Variants in SCEL observed in about 807,000 individuals in gnomAD.
The protein encoded by SCEL is sciellin.
A neutral mutation model predicts 117.6 loss-of-function variants in SCEL; 113 were observed. The observed-to-expected ratio is 0.96, with a 90% CI of 0.83 to 1.12. SCEL has a LOEUF of 1.12. SCEL is among the 50% of genes most tolerant of loss of function. The pLI, the probability that SCEL is intolerant of heterozygous loss-of-function variation, is 0.00. For missense variants in SCEL, 785 were observed against 810.8 expected (o/e 0.97, Z 0.39); for synonymous variants, 270 against 256.2 (o/e 1.05, Z -0.51).
intron 27 of SCEL, among the ~76,000 whole-genome samples, chr13:77,624,484 CTGTT>C (rs2089618728): frequency 6.6e-6 from 1 of 152,144 alleles, no homozygotes; most frequent in African/African-American, 2.4e-5. Flanking sequence ...TACAGAGACA[CTGTT>C]TGTAACTTGA....
At chr13:77,610,139 C>T (rs1174041707) in intron 22 of SCEL, 33 bp downstream of exon 22, 25 of 1,444,572 alleles carry the variant, frequency 1.7e-5, no homozygotes, top group South Asian at 2.5e-5. Flanking sequence ...TTTCTCCCCC[C>T]TTTTTTTTTC....
chr13:77,611,731 T>G (rs1011159655), intron 22 of SCEL, among the ~76,000 whole-genome samples: 2 of 152,158 alleles, frequency 1.3e-5, no homozygotes, highest in Non-Finnish European at 2.9e-5. Context: ...TTGGACAAAT[T>G]GCTCAACCTC....
chr13:77,549,467 A>G (rs1275825733), intron 1 of SCEL, among the ~76,000 whole-genome samples: 7 of 152,242 alleles, frequency 4.6e-5, no homozygotes, highest in Non-Finnish European at 1.0e-4. Flanking sequence ...TTATTGTCAC[A>G]TAATCTGCTA....
chr13:77,633,849 G>C (rs1217874922), intron 28 of SCEL, among the ~76,000 whole-genome samples: 1 of 152,220 alleles, frequency 6.6e-6, no homozygotes, highest in Non-Finnish European at 1.5e-5. Flanking sequence ...TAGTGAATGT[G>C]TCATTGTGTG....
chr13:77,596,325 C>T (rs2087225272), intron 12 of SCEL, among the ~76,000 whole-genome samples: 1 of 131,674 alleles, frequency 7.6e-6, no homozygotes, highest in African/African-American at 2.5e-5. Flanking sequence ...AAGAGTGAAA[C>T]TCTGTCTTAA....
chr13:77,536,478 C>A (rs901211558), intron 1 of SCEL, among the ~76,000 whole-genome samples: 3 of 152,086 alleles, frequency 2.0e-5, no homozygotes, highest in African/African-American at 7.2e-5. Context: ...GGGCATCTGG[C>A]CAACTTCTCT....
At chr13:77,593,283 T>C (rs1342563433) in intron 11 of SCEL, among the ~76,000 whole-genome samples, 24 of 116,676 alleles carry the variant, frequency 2.1e-4, no homozygotes, top group African/African-American at 9.5e-4. Context: ...TGTGTGTGTG[T>C]GTGTGTGTGT....
chr13:77,589,306 C>A lies in SCEL; in HGVS notation c.626+82C>A, dbSNP rs1364884377. 4 of 1,010,428 alleles carry A rather than the reference C, an allele frequency of 4.0e-6. No individual in the cohort carries two copies. The Admixed American group carries it at 6.2e-5, about 16-fold the overall frequency. The allele number at this position is 1,010,428 out of a possible 1,614,324, so 62.6% of individuals were successfully genotyped here. ...TAAATGGACTGTGACCCGCTGTGGGCAAAGCATGAATGTTTTGTGTGCACA... is the reference window on the plus strand; with the variant it reads ...TAAATGGACTGTGACCCGCTGTGGGAAAAGCATGAATGTTTTGTGTGCACA... On this transcript the variant is annotated intron_variant, in intron 10 of 32. Coordinates refer to ENST00000349847, the MANE Select transcript of SCEL (RefSeq NM_144777.3).
At chr13:77,626,642 C>T (rs1405706124) in intron 27 of SCEL, among the ~76,000 whole-genome samples, 1 of 152,094 alleles carries the variant, frequency 6.6e-6, no homozygotes, top group African/African-American at 2.4e-5. Context: ...GGTGGTTCCC[C>T]CTGGCAGCCT....
At chr13:77,576,584 A>G (rs1350634297) in intron 9 of SCEL, among the ~76,000 whole-genome samples, 1 of 152,168 alleles carries the variant, frequency 6.6e-6, no homozygotes, top group Non-Finnish European at 1.5e-5. Flanking sequence ...TGGGTAGCCC[A>G]CTGCCCATTG....
Position 77,613,989 on chromosome 13 carries a change from C to T in SCEL, c.1451+34C>T, listed in dbSNP as rs537171602. 56 of 1,559,498 alleles carry T rather than the reference C, an allele frequency of 3.6e-5. No individual in the cohort carries two copies. In the African/African-American group the frequency reaches 4.9e-4, roughly 14 times the overall value. Reference sequence around the variant, plus strand: ...TGGATGTGATTTTTGTTGTGTTTCTCGTTAAGTAAACCCAAAATTAATAGA... The same window carrying T: ...TGGATGTGATTTTTGTTGTGTTTCTTGTTAAGTAAACCCAAAATTAATAGA... On this transcript the variant is annotated intron_variant, in intron 24 of 32. Coordinates refer to ENST00000349847, the MANE Select transcript of SCEL (RefSeq NM_144777.3).
intron 32 of SCEL, 91 bp downstream of exon 32, chr13:77,642,899 C>A: frequency 1.6e-6 from 1 of 624,278 alleles, no homozygotes; most frequent in Non-Finnish European, 2.7e-6. Flanking sequence ...TAAAGTAAAA[C>A]ATTTTACTAG....
intron 22 of SCEL, among the ~76,000 whole-genome samples, chr13:77,611,461 T>C (rs1039455630): frequency 1.3e-5 from 2 of 152,136 alleles, no homozygotes; most frequent in African/African-American, 4.8e-5. Context: ...CTGTTGAGGG[T>C]CAGACACTAA....
At chr13:77,545,813 G>A (rs1442552205) in intron 1 of SCEL, among the ~76,000 whole-genome samples, 1 of 152,248 alleles carries the variant, frequency 6.6e-6, no homozygotes, top group Non-Finnish European at 1.5e-5. Context: ...AAAGACTCAA[G>A]AGCAGACTTT....
At chr13:77,546,803 A>T (rs535162420) in intron 1 of SCEL, among the ~76,000 whole-genome samples, 269 of 152,278 alleles carry the variant, frequency 1.8e-3, no homozygotes, top group Non-Finnish European at 3.5e-3. Flanking sequence ...GACACTGTCA[A>T]GGAACCGGGT....
At chr13:77,638,873 C>T (rs1016739990) in intron 30 of SCEL, among the ~76,000 whole-genome samples, 2 of 152,036 alleles carry the variant, frequency 1.3e-5, no homozygotes, top group African/African-American at 4.8e-5. Flanking sequence ...TCCACCAACC[C>T]CTCATCCCCA....
intron 1 of SCEL, among the ~76,000 whole-genome samples, chr13:77,543,947 C>T (rs2083860368): frequency 6.6e-6 from 1 of 152,158 alleles, no homozygotes. Context: ...CTTGAGACTC[C>T]TTCCAGAAAA....
chr13:77,584,724 A>C (rs1342081991), intron 9 of SCEL, among the ~76,000 whole-genome samples: 1 of 152,060 alleles, frequency 6.6e-6, no homozygotes, highest in Non-Finnish European at 1.5e-5. Context: ...GTACAGCCTC[A>C]TTATTACCCA....
At chr13:77,550,178 G>A (rs2084226386) in intron 1 of SCEL, among the ~76,000 whole-genome samples, 1 of 151,804 alleles carries the variant, frequency 6.6e-6, no homozygotes, top group African/African-American at 2.4e-5. Context: ...TTGAGGCCAG[G>A]AGTTTGAGAA....
Sources: allele counts gnomAD v4.1 joint callset (sites outside exome capture counted in the v4.1 genomes callset), GRCh38; gene constraint gnomAD v4.1.1; transcripts MANE v1.5; gene names NCBI Gene and HGNC (gene_info 2026-07-23, HGNC 2026-07-21).